The following TEX26 variants were observed in gnomAD, a reference collection of about 807,000 sequenced individuals.
TEX26 encodes testis expressed 26.
Under a neutral mutation model 35.3 loss-of-function variants are expected in TEX26, and 34 were observed. The observed-to-expected ratio is 0.96, with a 90% CI of 0.73 to 1.28. The LOEUF is 1.28. Among genes scored for constraint, TEX26 ranks in the 50% most tolerant of loss-of-function variants. TEX26 has a pLI of 0.00. For synonymous variants in TEX26, 136 were observed against 111.8 expected (o/e 1.22, Z -1.36); for missense variants, 371 against 330.1 (o/e 1.12, Z -0.96).
At chr13:30,968,544 A>T (rs927318506) in intron 5 of TEX26, among the ~76,000 whole-genome samples, 1 of 152,158 alleles carries the variant, frequency 6.6e-6, no homozygotes, top group African/African-American at 2.4e-5. Flanking sequence ...GGGGTGAAAT[A>T]TTTCAGTTTC....
intron 1 of TEX26, chr13:30,933,348 G>A (rs188586981): frequency 6.6e-6 from 1 of 152,482 alleles, no homozygotes; most frequent in Admixed American, 6.5e-5. Context: ...TTTCACAGAG[G>A]TAGTGCTTTT....
intron 1 of TEX26, chr13:30,937,100 G>A: frequency 5.1e-6 from 3 of 587,394 alleles, no homozygotes; most frequent in Non-Finnish European, 6.4e-6. Flanking sequence ...GGGAGTGGAG[G>A]GTGTGCCTGA....
intron 2 of TEX26, among the ~76,000 whole-genome samples, chr13:30,948,657 T>C (rs1953807850): frequency 6.6e-6 from 1 of 152,148 alleles, no homozygotes; most frequent in African/African-American, 2.4e-5. Context: ...GTCAGATGAG[T>C]AGGTTGCTAA....
chr13:30,932,659 T>C lies in TEX26; in HGVS notation c.-57T>C. 1.3e-6 allele frequency: 2 copies of C among 1,584,902 alleles called. No homozygotes were observed. The highest frequency in any genetic ancestry group is 1.7e-6 in the Non-Finnish European group (2 of 1,164,030). ...GACGCGTCACAAAGCAGCCCGCGGC[T>C]CCCGCAAGCGCTGAGATAGCTGGAG... is the stretch of plus-strand genomic sequence containing the variant. On this transcript the variant is annotated 5_prime_UTR_variant, in exon 1 of 7. Transcript: ENST00000380473.
intron 4 of TEX26, among the ~76,000 whole-genome samples, chr13:30,957,734 C>T (rs1040117366): frequency 6.6e-6 from 1 of 152,178 alleles, no homozygotes; most frequent in African/African-American, 2.4e-5. Context: ...AGCAATAAGC[C>T]CCTTCCAGGG....
intron 2 of TEX26, among the ~76,000 whole-genome samples, chr13:30,943,444 A>G (rs1953588008): frequency 6.6e-6 from 1 of 152,090 alleles, no homozygotes; most frequent in African/African-American, 2.4e-5. Flanking sequence ...TCAAATGTGG[A>G]TACACTTTAT....
intron 4 of TEX26, among the ~76,000 whole-genome samples, chr13:30,964,508 A>G (rs1954459890): frequency 6.6e-6 from 1 of 152,254 alleles, no homozygotes; most frequent in Non-Finnish European, 1.5e-5. Flanking sequence ...AACATTTACT[A>G]TTGAATGGTA....
Position 30,947,291 on chromosome 13 carries a change from A to G in TEX26, c.147-5369A>G, listed in dbSNP as rs1233871504. Among the ~76,000 whole-genome samples, 10 of 152,262 alleles carry G rather than the reference A, an allele frequency of 6.6e-5. No homozygotes were observed. The South Asian group carries it at 1.9e-3, about 28-fold the overall frequency. ...AGTTTTGAGCATTGTTATTTTCAGAATGAAACTGCACTCAGCATCAATTTT... is the reference window on the plus strand; with the variant it reads ...AGTTTTGAGCATTGTTATTTTCAGAGTGAAACTGCACTCAGCATCAATTTT... On this transcript the variant is annotated intron_variant, in intron 2 of 6. Coordinates refer to ENST00000380473, the MANE Select transcript of TEX26 (RefSeq NM_152325.3).
intron 6 of TEX26, among the ~76,000 whole-genome samples, chr13:30,974,243 T>C (rs1426986656): frequency 6.8e-6 from 1 of 147,610 alleles, no homozygotes; most frequent in Non-Finnish European, 1.5e-5. Flanking sequence ...GGAGGGGGAG[T>C]TGAAGGGCCT....
chr13:30,951,721 G>T (rs963722233), intron 2 of TEX26, among the ~76,000 whole-genome samples: 2 of 152,052 alleles, frequency 1.3e-5, no homozygotes, highest in Non-Finnish European at 2.9e-5. Context: ...ATCTCTAAAA[G>T]ATAAGGATGT....
At position 30,952,827 on chromosome 13, in the gene TEX26, T is replaced by C. The variant is rs1953981341; in HGVS notation, c.312+2T>C. On this transcript the variant is annotated splice_donor_variant, in intron 3 of 6. Coordinates refer to ENST00000380473, the MANE Select transcript of TEX26 (RefSeq NM_152325.3). LOFTEE classifies it high-confidence loss of function. ...AGCCACAAATCTCATCTCAATGAAG[T>C]AAGATAATATCTACATATGTGTTGA... 4 of 1,611,324 alleles carry C rather than the reference T, an allele frequency of 2.5e-6. No homozygotes were observed. The East Asian group carries it at 8.9e-5, about 36-fold the overall frequency.
intron 2 of TEX26, among the ~76,000 whole-genome samples, chr13:30,949,203 G>T (rs1195619418): frequency 6.6e-6 from 1 of 151,988 alleles, no homozygotes; most frequent in Non-Finnish European, 1.5e-5. Context: ...TTTCTTCACA[G>T]AATTGGAAAA....
At chr13:30,968,139 T>G (rs1954600986) in intron 5 of TEX26, among the ~76,000 whole-genome samples, 1 of 152,132 alleles carries the variant, frequency 6.6e-6, no homozygotes, top group Non-Finnish European at 1.5e-5. Flanking sequence ...GCATATAAAT[T>G]TATTAACATG....
Position 30,932,679 on chromosome 13 carries a change from C to G in TEX26, c.-37C>G, listed in dbSNP as rs769274944. On this transcript the variant is annotated 5_prime_UTR_variant, in exon 1 of 7. Transcript: ENST00000380473. ...GCGGCTCCCGCAAGCGCTGAGATAG[C>G]TGGAGCCAGGGCCCCGCGGCCGCCT... The G allele has an allele frequency of 3.1e-6, 5 of 1,604,774 alleles. No individual in the cohort carries two copies. The Admixed American group carries it at 5.1e-5, about 16-fold the overall frequency.
At chr13:30,964,638 A>G (rs1954464290) in intron 4 of TEX26, among the ~76,000 whole-genome samples, 1 of 152,222 alleles carries the variant, frequency 6.6e-6, no homozygotes, top group Admixed American at 6.5e-5. Context: ...CTTTGACAAA[A>G]TATGTGAGAC....
chr13:30,946,424 T>A (rs1262794370), intron 2 of TEX26, among the ~76,000 whole-genome samples: 1 of 152,030 alleles, frequency 6.6e-6, no homozygotes, highest in African/African-American at 2.4e-5. Flanking sequence ...ATCAACCTTT[T>A]GAATTCTTTA....
At chr13:30,947,680 T>A (rs1276781983) in intron 2 of TEX26, among the ~76,000 whole-genome samples, 1 of 152,208 alleles carries the variant, frequency 6.6e-6, no homozygotes, top group Admixed American at 6.5e-5. Context: ...TTTAATTTTC[T>A]ATGTTCAAAA....
At chr13:30,946,615 A>G (rs1309630243) in intron 2 of TEX26, among the ~76,000 whole-genome samples, 1 of 151,740 alleles carries the variant, frequency 6.6e-6, no homozygotes, top group African/African-American at 2.4e-5. Flanking sequence ...TTGATTTTTT[A>G]AAATTTCTTT....
In TEX26 at chr13:30,967,305, C is replaced by T. The variant is rs372872999; in HGVS notation, c.646+907C>T. On this transcript the variant is annotated intron_variant, in intron 5 of 6. Coordinates refer to ENST00000380473, the MANE Select transcript of TEX26 (RefSeq NM_152325.3). ...GGTTAGAAGGTGGCCTAGAAATTAC[C>T]TCATCCAGAGCCTCATATGTGTGAC... is the stretch of plus-strand genomic sequence containing the variant. Among the ~76,000 whole-genome samples, 122 of 152,180 alleles carry T rather than the reference C, an allele frequency of 8.0e-4. 4 individuals are homozygous for T. The South Asian group carries it at 0.024, about 31-fold the overall frequency.
Sources: allele counts gnomAD v4.1 joint callset (sites outside exome capture counted in the v4.1 genomes callset), GRCh38; gene constraint gnomAD v4.1.1; transcripts MANE v1.5; gene names NCBI Gene and HGNC (gene_info 2026-07-23, HGNC 2026-07-21).